Variants in RPRD1A observed in about 807,000 individuals in gnomAD.
RPRD1A encodes the protein regulation of nuclear pre-mRNA domain containing 1A, also known as regulation of nuclear pre-mRNA domain-containing protein 1A.
A neutral mutation model predicts 37.8 loss-of-function variants in RPRD1A; 9 were observed. The observed-to-expected ratio is 0.24, with a 90% confidence interval of 0.14 to 0.42. RPRD1A has a LOEUF of 0.42. RPRD1A is among the 10% of genes least tolerant of loss of function. The pLI, the probability that RPRD1A is intolerant of heterozygous loss-of-function variation, is 1.00. For missense variants in RPRD1A, 255 were observed against 371.0 expected (o/e 0.69, Z 2.57); for synonymous variants, 138 against 139.7 (o/e 0.99, Z 0.08).
intron 1 of RPRD1A, among the ~76,000 whole-genome samples, chr18:36,042,559 A>C (rs1912653990): frequency 6.6e-6 from 1 of 152,212 alleles, no homozygotes; most frequent in South Asian, 2.1e-4. Context: ...TATGAAAGAC[A>C]AACTTCCTTA....
intron 6 of RPRD1A, among the ~76,000 whole-genome samples, chr18:35,995,752 G>A (rs2144138300): frequency 6.6e-6 from 1 of 152,278 alleles, no homozygotes; most frequent in Non-Finnish European, 1.5e-5. Flanking sequence ...ACTTTACAGA[G>A]AAGAAACCTG....
At chr18:36,016,287 A>T (rs1485425025) in intron 6 of RPRD1A, among the ~76,000 whole-genome samples, 1 of 152,162 alleles carries the variant, frequency 6.6e-6, no homozygotes, top group African/African-American at 2.4e-5. Flanking sequence ...CAATGGCACA[A>T]TCTTGGCTCA....
chr18:36,034,673 T>C (rs926831796), intron 1 of RPRD1A, among the ~76,000 whole-genome samples: 14 of 152,316 alleles, frequency 9.2e-5, no homozygotes, highest in African/African-American at 3.4e-4. Flanking sequence ...GCATCATACC[T>C]TGTGGCATCC....
At chr18:36,065,083 G>A (rs1036694243) in intron 1 of RPRD1A, among the ~76,000 whole-genome samples, 3 of 152,012 alleles carry the variant, frequency 2.0e-5, no homozygotes, top group South Asian at 2.1e-4. Flanking sequence ...AACAAACTCC[G>A]GACACACCAT....
chr18:36,027,633 G>A (rs1177710680), intron 4 of RPRD1A: 1 of 206,882 alleles, frequency 4.8e-6, no homozygotes, highest in Non-Finnish European at 9.9e-6. Context: ...TGGTGAAAGA[G>A]AAGGTAGGCT....
chr18:36,036,097 G>GT (rs1174739803), intron 1 of RPRD1A, among the ~76,000 whole-genome samples: 2 of 151,774 alleles, frequency 1.3e-5, no homozygotes, highest in Non-Finnish European at 2.9e-5. Context: ...CAAAAAAAAT[G>GT]TTTTTGTTTT....
At chr18:36,062,195 T>C (rs895766763) in intron 1 of RPRD1A, among the ~76,000 whole-genome samples, 12 of 151,218 alleles carry the variant, frequency 7.9e-5, no homozygotes. Flanking sequence ...CGGGCGCCTG[T>C]AGTCCCAGCT....
intron 6 of RPRD1A, among the ~76,000 whole-genome samples, chr18:35,994,727 T>C (rs758084787): frequency 1.5e-4 from 23 of 152,202 alleles, no homozygotes; most frequent in Admixed American, 3.3e-4. Context: ...TGACAAATTC[T>C]AGCTAAAACC....
chr18:36,040,167 G>A (rs562190582), intron 1 of RPRD1A, among the ~76,000 whole-genome samples: 21 of 152,074 alleles, frequency 1.4e-4, no homozygotes, highest in Non-Finnish European at 2.5e-4. Flanking sequence ...CCTAAAGTTT[G>A]AGTTAGGTGG....
intron 6 of RPRD1A, among the ~76,000 whole-genome samples, chr18:36,018,064 T>C (rs1910717786): frequency 6.6e-6 from 1 of 152,240 alleles, no homozygotes; most frequent in African/African-American, 2.4e-5. Context: ...ACTGCAGCTC[T>C]ACAAACTGCA....
chr18:36,044,769 G>A (rs1299845103), intron 1 of RPRD1A, among the ~76,000 whole-genome samples: 1 of 151,896 alleles, frequency 6.6e-6, no homozygotes, highest in Non-Finnish European at 1.5e-5. Flanking sequence ...TGCACAAAAT[G>A]TACCAAGGAC....
intron 6 of RPRD1A, among the ~76,000 whole-genome samples, chr18:35,994,114 T>C (rs1449261659): frequency 6.6e-6 from 1 of 152,172 alleles, no homozygotes; most frequent in South Asian, 2.1e-4. Flanking sequence ...CTTCCCACTA[T>C]ACCCATCTCA....
chr18:36,021,938 T>C (rs948538011), intron 6 of RPRD1A, among the ~76,000 whole-genome samples: 10 of 152,122 alleles, frequency 6.6e-5, no homozygotes, highest in African/African-American at 1.9e-4. Flanking sequence ...GAGGTTGAAG[T>C]TGCAGTGAGC....
chr18:36,063,044 T>C (rs1275711672), intron 1 of RPRD1A: 1 of 152,162 alleles, frequency 6.6e-6, no homozygotes, highest in African/African-American at 2.4e-5. Context: ...CACAAAGGCC[T>C]TGAAGTTTAT....
chr18:36,040,824 C>G, intron 1 of RPRD1A: 4 of 1,523,200 alleles, frequency 2.6e-6, no homozygotes, highest in Non-Finnish European at 3.5e-6. Flanking sequence ...TCCTGTTTGA[C>G]AAAATCTCCA....
rs572806101 is a variant in RPRD1A, at chr18:35,992,623, G to C, written c.*528C>G. ...TTTATGTTAAATTACCGACCTCTAA[G>C]GAATCAAAGGCATGTAGAGACACAG... On this transcript the variant is annotated 3_prime_UTR_variant, in exon 7 of 7. Transcript: ENST00000399022. 2.6e-5 allele frequency: 4 copies of C among 152,336 alleles called. No individual in the cohort carries two copies. Among genetic ancestry groups the C allele is most frequent in the East Asian group, 3.9e-4 (2 of 5,172 alleles). The allele number at this position is 152,336 out of a possible 1,614,324, so 9.4% of individuals were successfully genotyped here.
chr18:36,014,063 A>T (rs1033923040), intron 6 of RPRD1A, among the ~76,000 whole-genome samples: 1 of 152,224 alleles, frequency 6.6e-6, no homozygotes, highest in African/African-American at 2.4e-5. Context: ...AAATATACAC[A>T]CACCTACATA....
chr18:36,022,081 T>C (rs1911032513), intron 6 of RPRD1A, among the ~76,000 whole-genome samples: 2 of 152,332 alleles, frequency 1.3e-5, no homozygotes, highest in African/African-American at 4.8e-5. Flanking sequence ...GAAGTTTCAG[T>C]AGTCTGGATA....
intron 1 of RPRD1A, among the ~76,000 whole-genome samples, chr18:36,044,977 T>G (rs921933737): frequency 1.3e-5 from 2 of 152,138 alleles, no homozygotes; most frequent in Non-Finnish European, 2.9e-5. Flanking sequence ...TGGTGGCTCA[T>G]GCCTATAATC....
Sources: allele counts gnomAD v4.1 joint callset (sites outside exome capture counted in the v4.1 genomes callset), GRCh38; gene constraint gnomAD v4.1.1; transcripts MANE v1.5; gene names NCBI Gene and HGNC (gene_info 2026-07-23, HGNC 2026-07-21).